VMAC: variants seen among roughly 807,000 people sequenced by gnomAD.
VMAC encodes vimentin-type intermediate filament-associated coiled-coil protein.
Under a neutral mutation model 4.8 loss-of-function variants are expected in VMAC, and 8 were observed. The observed-to-expected ratio is 1.68, with a 90% CI of 0.99 to 3.03. VMAC has a LOEUF of 3.03. Among genes scored for constraint, VMAC ranks in the 30% most tolerant of loss-of-function variants. The pLI, the probability that VMAC is intolerant of heterozygous loss-of-function variation, is 0.00. For synonymous variants in VMAC, 96 were observed against 113.7 expected (o/e 0.84, Z 0.99); for missense variants, 248 against 245.1 (o/e 1.01, Z -0.08).
Position 5,905,013 on chromosome 19 carries a change from C to T in VMAC, c.123C>T (p.Ala41=). ...CGGAGCGCACGGTGCACGCCCAAGCCGAGCGCCTGGCCCTCCACGACCAGC... is the reference window on the plus strand; with the variant it reads ...CGGAGCGCACGGTGCACGCCCAAGCTGAGCGCCTGGCCCTCCACGACCAGC... ...DAAERTVHAQ[A]ERLALHDQQL... The change falls in exon 1 of 2, where the codon GCC becomes GCT. Residue 41 remains alanine, a synonymous_variant. Transcript: ENST00000339485. 7.0e-7 allele frequency: 1 copy of T among 1,425,262 alleles called. No individual in the cohort carries two copies. The highest frequency in any genetic ancestry group is 9.1e-7 in the Non-Finnish European group (1 of 1,099,134). 88.3% of individuals were successfully genotyped at this position (1,425,262 alleles called of 1,614,324 possible). A position where few individuals can be genotyped will look rare whatever the true frequency, so the allele number is the denominator to read the frequency against.
chr19:5,909,195 C>CT lies in VMAC; in HGVS notation c.*55dup. 6.6e-7 allele frequency: 1 copy of CT among 1,511,690 alleles called. No individual in the cohort carries two copies. The highest frequency in any genetic ancestry group is 8.8e-7 in the Non-Finnish European group (1 of 1,136,074). 93.6% of individuals were successfully genotyped at this position (1,511,690 alleles called of 1,614,324 possible). ...ACAGAAAGCCACTGCTGTCAGTGTC[C>CT]TTGGGAGTCACCAGCACCCTGCAGG... On this transcript the variant is annotated 3_prime_UTR_variant, in exon 2 of 2. Transcript: ENST00000339485.
intron 1 of VMAC, among the ~76,000 whole-genome samples, chr19:5,906,094 T>C (rs919270365): frequency 1.3e-5 from 2 of 151,496 alleles, no homozygotes; most frequent in African/African-American, 4.9e-5. Flanking sequence ...GCCTCTCAAG[T>C]AGCTGGGATT....
chr19:5,909,219 G>A lies in VMAC; in HGVS notation c.*77G>A. On this transcript the variant is annotated 3_prime_UTR_variant, in exon 2 of 2. Coordinates refer to ENST00000339485, the MANE Select transcript of VMAC (RefSeq NM_001017921.4). ...CCTTGGGAGTCACCAGCACCCTGCAGGGGGACCCTACGGCAGAGCCAAAGT... is the reference window on the plus strand; with the variant it reads ...CCTTGGGAGTCACCAGCACCCTGCAAGGGGACCCTACGGCAGAGCCAAAGT... 20 of 1,466,110 alleles carry A rather than the reference G, an allele frequency of 1.4e-5. No homozygotes were observed. Among genetic ancestry groups the A allele is most frequent in the Non-Finnish European group, 1.8e-5 (20 of 1,104,708 alleles). 90.8% of individuals were successfully genotyped at this position (1,466,110 alleles called of 1,614,324 possible). A position where few individuals can be genotyped will look rare whatever the true frequency, so the allele number is the denominator to read the frequency against.
Position 5,909,371 on chromosome 19 carries a change from T to C in VMAC, c.*229T>C. 1 of 504,064 alleles carries C rather than the reference T, an allele frequency of 2.0e-6. No individual in the cohort carries two copies. Among genetic ancestry groups the C allele is most frequent in the Non-Finnish European group, 3.4e-6 (1 of 293,638 alleles). The allele number at this position is 504,064 out of a possible 1,614,324, so 31.2% of individuals were successfully genotyped here. A position where few individuals can be genotyped will look rare whatever the true frequency, so the allele number is the denominator to read the frequency against. Reference sequence around the variant, plus strand: ...TTTTAAGCTTTGAATCAGTCACCCTTGCTAAAAACCTGGCAATGCAAACAC... The same window carrying C: ...TTTTAAGCTTTGAATCAGTCACCCTCGCTAAAAACCTGGCAATGCAAACAC... On this transcript the variant is annotated 3_prime_UTR_variant, in exon 2 of 2. Transcript: ENST00000339485.
chr19:5,909,484 GT>G lies in VMAC; in HGVS notation c.*355del, dbSNP rs35398442. 0.62 allele frequency: 115,176 copies of G among 184,526 alleles called. 34,364 individuals are homozygous for G. The highest frequency in any genetic ancestry group is 0.76 in the Admixed American group (11,766 of 15,460). 11.4% of individuals were successfully genotyped at this position (184,526 alleles called of 1,614,324 possible). ...GCCAGGGTGTGAGTTTCTGTTTTTT[GT>G]TTTTTTTTTTTTAAGACAGAGTCCC... On this transcript the variant is annotated 3_prime_UTR_variant, in exon 2 of 2. Coordinates refer to ENST00000339485, the MANE Select transcript of VMAC (RefSeq NM_001017921.4).
At chr19:5,907,736 A>C (rs1339999629) in intron 1 of VMAC, among the ~76,000 whole-genome samples, 1 of 150,528 alleles carries the variant, frequency 6.6e-6, no homozygotes, top group Admixed American at 6.6e-5. Flanking sequence ...CAGTGAGCCG[A>C]GATCACACCA....
Position 5,908,547 on chromosome 19 carries a change from C to G in VMAC, c.192-277C>G, listed in dbSNP as rs1303384826. ...AGGAGAATTGCTTGAACCCTGGAGC[C>G]GGAAGTTGCAGTGAGCTGAGATTGC... On this transcript the variant is annotated intron_variant, in intron 1 of 1. Transcript: ENST00000339485. The surrounding 1 kb of genome is among the most constrained non-coding windows in gnomAD (Gnocchi z 4.5). 6.6e-6 allele frequency among the ~76,000 whole-genome samples: 1 copy of G among 150,714 alleles called. No homozygotes were observed. The highest frequency in any genetic ancestry group is 1.5e-5 in the Non-Finnish European group (1 of 67,818).
At chr19:5,905,189 C>A in intron 1 of VMAC, 108 bp downstream of exon 1, 1 of 1,157,810 alleles carries the variant, frequency 8.6e-7, no homozygotes. Context: ...CTTGTATAGA[C>A]GCTAGACTGA....
rs745704095 is a variant in VMAC at position 5,909,038 on chromosome 19, G to A, written c.406G>A (p.Gly136Ser). 23 of 1,574,730 alleles carry A rather than the reference G, an allele frequency of 1.5e-5. No homozygotes were observed. The highest frequency in any genetic ancestry group is 4.7e-5 in the East Asian group (2 of 42,622). Residue 136 changes from glycine to serine, a missense_variant, in exon 2 of 2, where the codon GGC (glycine) becomes AGC (serine). Coordinates refer to ENST00000339485, the MANE Select transcript of VMAC (RefSeq NM_001017921.4). ...RLGPLPASDP[G>S]HPPPGGPGPP... ...GGGGCCCCTGCCGGCCAGTGACCCC[G>A]GCCACCCACCCCCCGGTGGGCCTGG...
Position 5,909,365 on chromosome 19 carries a change from C to T in VMAC, c.*223C>T, listed in dbSNP as rs931275023. 1.6e-5 allele frequency: 8 copies of T among 514,104 alleles called. No homozygotes were observed. The highest frequency in any genetic ancestry group is 4.1e-5 in the Admixed American group (1 of 24,456). The allele number at this position is 514,104 out of a possible 1,614,324, so 31.8% of individuals were successfully genotyped here. On this transcript the variant is annotated 3_prime_UTR_variant, in exon 2 of 2. Transcript: ENST00000339485. Reference sequence around the variant, plus strand: ...GTTTGTTTTTAAGCTTTGAATCAGTCACCCTTGCTAAAAACCTGGCAATGC... The same window carrying T: ...GTTTGTTTTTAAGCTTTGAATCAGTTACCCTTGCTAAAAACCTGGCAATGC...
In VMAC at chr19:5,904,896, G is replaced by T. The variant is rs758051108; in HGVS notation, c.6G>T (p.Ser2=). The T allele has an allele frequency of 3.0e-5, 44 of 1,478,590 alleles. 1 individual carries two copies. The East Asian group carries it at 7.8e-4, about 26-fold the overall frequency. The allele number at this position is 1,478,590 out of a possible 1,614,324, so 91.6% of individuals were successfully genotyped here. Residue 2 remains serine (S), a synonymous_variant, in exon 1 of 2, where the codon TCG becomes TCT. Coordinates refer to ENST00000339485, the MANE Select transcript of VMAC (RefSeq NM_001017921.4). The stretch of plus-strand genomic sequence containing the variant: ...CCTGTACAGCAGCCTGGGCCATGTC[G>T]GCGCCGCCGGCCCTGCAGATCCGGG... M[S]APPALQIREA...
chr19:5,908,765 G>A lies in VMAC; in HGVS notation c.192-59G>A, dbSNP rs938760479. The A allele has an allele frequency of 1.3e-6, 2 of 1,582,402 alleles. No individual in the cohort carries two copies. The highest frequency in any genetic ancestry group is 4.5e-5 in the East Asian group (2 of 44,710). On this transcript the variant is annotated intron_variant, in intron 1 of 1. Transcript: ENST00000339485. The surrounding 1 kb of genome is among the most constrained non-coding windows in gnomAD (Gnocchi z 4.5). ...GGAACCTCTTGCGGGTCCAGAGCAGGGAGGAGCAGGTGCTGTGGTCCTCAG... is the reference window on the plus strand; with the variant it reads ...GGAACCTCTTGCGGGTCCAGAGCAGAGAGGAGCAGGTGCTGTGGTCCTCAG...
chr19:5,909,700 G>A lies in VMAC; in HGVS notation c.*558G>A, dbSNP rs1366241054. ...GGAGGGGGTTTCACCATGTTGACCA[G>A]GCTGGTCTCAAACTCCTGACCTTAG... On this transcript the variant is annotated 3_prime_UTR_variant, in exon 2 of 2. Coordinates refer to ENST00000339485, the MANE Select transcript of VMAC (RefSeq NM_001017921.4). 3.3e-5 allele frequency: 5 copies of A among 153,454 alleles called. No individual in the cohort carries two copies. Among genetic ancestry groups the A allele is most frequent in the African/African-American group, 1.2e-4 (5 of 41,446 alleles). 9.5% of individuals were successfully genotyped at this position (153,454 alleles called of 1,614,324 possible). A position where few individuals can be genotyped will look rare whatever the true frequency, so the allele number is the denominator to read the frequency against.
rs1277820249 is a variant in VMAC at position 5,904,884 on chromosome 19, C to A, written c.-7C>A. On this transcript the variant is annotated 5_prime_UTR_variant, in exon 1 of 2. The change creates a new upstream start codon in the 5' untranslated region. Transcript: ENST00000339485. ...GGCGTGGCCGGGCCTGTACAGCAGC[C>A]TGGGCCATGTCGGCGCCGCCGGCCC... 4 of 1,471,646 alleles carry A rather than the reference C, an allele frequency of 2.7e-6. No individual in the cohort carries two copies. The highest frequency in any genetic ancestry group is 1.3e-5 in the South Asian group (1 of 76,450). 91.2% of individuals were successfully genotyped at this position (1,471,646 alleles called of 1,614,324 possible).
At chr19:5,907,970 T>A (rs1162054436) in intron 1 of VMAC, among the ~76,000 whole-genome samples, 1 of 152,176 alleles carries the variant, frequency 6.6e-6, no homozygotes, top group Admixed American at 6.5e-5. Flanking sequence ...ATCAGGTATG[T>A]CCTTAGAGCA....
chr19:5,905,887 G>A (rs2057677319), intron 1 of VMAC, among the ~76,000 whole-genome samples: 1 of 152,088 alleles, frequency 6.6e-6, no homozygotes, highest in Non-Finnish European at 1.5e-5. Context: ...TGTAGAGACA[G>A]TTTTGCCCTG....
In VMAC at chr19:5,907,610, TAAAAAAAAAAAA is replaced by T. The variant is rs771762988; in HGVS notation, c.192-1199_192-1188del. On this transcript the variant is annotated intron_variant, in intron 1 of 1. Coordinates refer to ENST00000339485, the MANE Select transcript of VMAC (RefSeq NM_001017921.4). ...CAACATGGTGAAACCCTGTCTCTAC[TAAAAAAAAAAAA>T]AAAAAAAAAAAAAATTAGCTGGGCA... Among the ~76,000 whole-genome samples, 6 of 18,692 alleles carry T rather than the reference TAAAAAAAAAAAA, an allele frequency of 3.2e-4. 1 individual carries two copies. Among genetic ancestry groups the T allele is most frequent in the East Asian group, 1.8e-3 (1 of 562 alleles). The allele number at this position is 18,692 out of a possible 152,430, so 12.3% of individuals were successfully genotyped here.
At position 5,904,921 on chromosome 19, in the gene VMAC, G is replaced by A. The variant is rs764223505; in HGVS notation, c.31G>A (p.Glu11Lys). Residue 11 changes from glutamate (E) to lysine (K), a missense_variant, in exon 1 of 2, where the codon GAG becomes AAG. Glu to Lys is a moderately conservative substitution (Grantham distance 56). Coordinates refer to ENST00000339485, the MANE Select transcript of VMAC (RefSeq NM_001017921.4). ...GGCGCCGCCGGCCCTGCAGATCCGGGAGGCAAACGCACACCTGGCAGCCGT... is the reference window on the plus strand; with the variant it reads ...GGCGCCGCCGGCCCTGCAGATCCGGAAGGCAAACGCACACCTGGCAGCCGT... MSAPPALQIR[E>K]ANAHLAAVHR... 1 of 1,490,914 alleles carries A rather than the reference G, an allele frequency of 6.7e-7. No individual in the cohort carries two copies. Among genetic ancestry groups the A allele is most frequent in the Non-Finnish European group, 8.8e-7 (1 of 1,130,946 alleles). The allele number at this position is 1,490,914 out of a possible 1,614,324, so 92.4% of individuals were successfully genotyped here. A position where few individuals can be genotyped will look rare whatever the true frequency, so the allele number is the denominator to read the frequency against.
In VMAC at chr19:5,909,053, G is replaced by A. The variant is rs534520548; in HGVS notation, c.421G>A (p.Gly141Ser). The A allele has an allele frequency of 2.6e-5, 41 of 1,563,324 alleles. No individual in the cohort carries two copies. Among genetic ancestry groups the A allele is most frequent in the South Asian group, 3.5e-5 (3 of 86,660 alleles). Reference sequence around the variant, plus strand: ...CAGTGACCCCGGCCACCCACCCCCCGGTGGGCCTGGTCCACCCCTTGACAA... The same window carrying A: ...CAGTGACCCCGGCCACCCACCCCCCAGTGGGCCTGGTCCACCCCTTGACAA... ...PASDPGHPPP[G>S]GPGPPLDNST... is the part of the protein sequence containing the mutation. The change falls in exon 2 of 2, where the codon GGT becomes AGT. Residue 141 changes from glycine to serine, a missense_variant. Transcript: ENST00000339485.
Sources: gnomAD v4.1 joint callset for allele counts (sites outside exome capture counted in the v4.1 genomes callset) on GRCh38, gnomAD v4.1.1 for gene constraint, Gnocchi (gnomAD v3.1) non-coding constraint, MANE v1.5 for transcripts, NCBI Gene and HGNC (gene_info 2026-07-23, HGNC 2026-07-21) for gene names.